PCDH9: variants seen among roughly 807,000 people sequenced by gnomAD.
The protein encoded by PCDH9 is protocadherin 9.
PCDH9 carries 24 observed loss-of-function variants against 70.6 expected under a neutral mutation model. That is an observed-to-expected ratio of 0.34 (90% CI 0.25 to 0.48). The LOEUF (loss-of-function observed/expected upper bound fraction) is 0.48. Among genes scored for constraint, PCDH9 ranks in the 20% least tolerant of loss-of-function variants. The pLI is 0.99. For synonymous variants in PCDH9, 562 were observed against 558.5 expected (o/e 1.01, Z -0.09); for missense variants, 1,281 against 1,503.6 (o/e 0.85, Z 2.45).
intron 2 of PCDH9, among the ~76,000 whole-genome samples, chr13:66,905,483 T>C (rs2082345664): frequency 6.6e-6 from 1 of 152,152 alleles, no homozygotes; most frequent in Non-Finnish European, 1.5e-5. Context: ...CATAAATATT[T>C]TTAAAATATT....
chr13:66,850,537 A>G (rs970562615), intron 3 of PCDH9, among the ~76,000 whole-genome samples: 4 of 137,054 alleles, frequency 2.9e-5, no homozygotes, highest in African/African-American at 7.7e-5. Context: ...AAAAAAATGT[A>G]AGTTAAATTA....
intron 2 of PCDH9, among the ~76,000 whole-genome samples, chr13:67,132,571 A>C (rs1276015423): frequency 1.3e-5 from 2 of 152,146 alleles, no homozygotes; most frequent in African/African-American, 4.8e-5. Flanking sequence ...AGGTGGTAAC[A>C]TATAGTTCAT....
chr13:66,700,424 A>G (rs2078622722), intron 3 of PCDH9, among the ~76,000 whole-genome samples: 1 of 152,176 alleles, frequency 6.6e-6, no homozygotes, highest in Non-Finnish European at 1.5e-5. Flanking sequence ...TGAGCCGTTG[A>G]TAAAACATGG....
intron 2 of PCDH9, among the ~76,000 whole-genome samples, chr13:67,088,997 C>G (rs765325378): frequency 3.3e-5 from 5 of 152,008 alleles, no homozygotes; most frequent in Admixed American, 3.3e-4. Flanking sequence ...CAAGCATACT[C>G]TATTTTCTTG....
intron 3 of PCDH9, among the ~76,000 whole-genome samples, chr13:66,679,727 T>C (rs1416459749): frequency 1.3e-5 from 2 of 151,924 alleles, no homozygotes; most frequent in African/African-American, 4.8e-5. Flanking sequence ...AGAGACATAA[T>C]TGTTTTTAGT....
At chr13:67,065,972 T>C (rs1409401619) in intron 2 of PCDH9, among the ~76,000 whole-genome samples, 1 of 152,154 alleles carries the variant, frequency 6.6e-6, no homozygotes. Flanking sequence ...CCTACAGTGC[T>C]AGTAAAAGTA....
At chr13:66,557,957 A>G (rs1208707677) in intron 4 of PCDH9, among the ~76,000 whole-genome samples, 3 of 152,156 alleles carry the variant, frequency 2.0e-5, no homozygotes, top group African/African-American at 4.8e-5. Flanking sequence ...TTTGGAGACC[A>G]GTGTGGGCAA....
At position 66,545,206 on chromosome 13, in the gene PCDH9, G is replaced by C. The variant is rs371388514; in HGVS notation, c.3340+86004C>G. Among the ~76,000 whole-genome samples, 4 of 152,106 alleles carry C rather than the reference G, an allele frequency of 2.6e-5. No individual in the cohort carries two copies. The East Asian group carries it at 7.8e-4, about 29-fold the overall frequency. On this transcript the variant is annotated intron_variant, in intron 4 of 4. Coordinates refer to ENST00000377865, the MANE Select transcript of PCDH9 (RefSeq NM_203487.3). ...TGTTTTATTGGTCACTTAGAATCAA[G>C]GCAAATAGGAAAATAGCTATTTGCA...
At chr13:66,839,237 CTTTCTTGCACTCCAG>C (rs1398275830) in intron 3 of PCDH9, among the ~76,000 whole-genome samples, 1 of 152,128 alleles carries the variant, frequency 6.6e-6, no homozygotes, top group African/African-American at 2.4e-5. Flanking sequence ...AGACATCTCT[CTTTCTTGCACTCCAG>C]TTTCTTGCTT....
At chr13:67,038,584 T>C (rs748160682) in intron 2 of PCDH9, among the ~76,000 whole-genome samples, 14 of 152,198 alleles carry the variant, frequency 9.2e-5, no homozygotes, top group Non-Finnish European at 1.8e-4. Flanking sequence ...TTTAATTAGG[T>C]TTGAACCAAA....
At chr13:67,000,244 A>C (rs9529162) in intron 2 of PCDH9, among the ~76,000 whole-genome samples, 98,200 of 150,684 alleles carry the variant, frequency 0.65, 33,102 homozygotes, top group East Asian at 0.95. Context: ...AAAAAACCAA[A>C]CACTGCATAT....
intron 4 of PCDH9, among the ~76,000 whole-genome samples, chr13:66,371,631 G>A (rs1956655309): frequency 6.6e-6 from 1 of 151,842 alleles, no homozygotes; most frequent in African/African-American, 2.4e-5. Flanking sequence ...AATTCTTAAT[G>A]CCCATGAAAT....
chr13:67,151,108 G>A (rs1400301879), intron 2 of PCDH9, among the ~76,000 whole-genome samples: 1 of 152,038 alleles, frequency 6.6e-6, no homozygotes, highest in Admixed American at 6.5e-5. Flanking sequence ...TCAAAGTCCA[G>A]TGGAAGGCTC....
At chr13:67,094,560 G>A (rs1013379090) in intron 2 of PCDH9, among the ~76,000 whole-genome samples, 1 of 152,036 alleles carries the variant, frequency 6.6e-6, no homozygotes, top group Non-Finnish European at 1.5e-5. Flanking sequence ...TAAGTAACAT[G>A]CCCAAGGTGA....
intron 4 of PCDH9, among the ~76,000 whole-genome samples, chr13:66,610,421 T>C (rs922260925): frequency 6.6e-6 from 1 of 152,132 alleles, no homozygotes; most frequent in African/African-American, 2.4e-5. Context: ...CTTCATACTT[T>C]ATACCCTTTT....
At chr13:67,130,128 T>A (rs73212751) in intron 2 of PCDH9, among the ~76,000 whole-genome samples, 2,179 of 152,260 alleles carry the variant, frequency 0.014, 25 homozygotes, top group Middle Eastern at 0.041. Context: ...AAAACCTTGG[T>A]GCCTACCAGA....
chr13:66,998,321 T>C (rs1164484186), intron 2 of PCDH9, among the ~76,000 whole-genome samples: 1 of 152,206 alleles, frequency 6.6e-6, no homozygotes, highest in African/African-American at 2.4e-5. Flanking sequence ...TGTCAACCAA[T>C]AGAGTTGTTC....
At chr13:66,694,948 G>A (rs1028830945) in intron 3 of PCDH9, among the ~76,000 whole-genome samples, 1 of 149,546 alleles carries the variant, frequency 6.7e-6, no homozygotes, top group Admixed American at 6.7e-5. Context: ...CTGTCGCCCA[G>A]GCTGTAGTGC....
intron 4 of PCDH9, among the ~76,000 whole-genome samples, chr13:66,399,700 C>CA (rs200126897): frequency 1.1e-4 from 15 of 141,644 alleles, no homozygotes; most frequent in South Asian, 2.3e-4. Flanking sequence ...GATCTTTTGT[C>CA]AAAAAAAAGA....
Sources: gnomAD v4.1 joint callset for allele counts (sites outside exome capture counted in the v4.1 genomes callset) on GRCh38, gnomAD v4.1.1 for gene constraint, MANE v1.5 for transcripts, NCBI Gene and HGNC (gene_info 2026-07-23, HGNC 2026-07-21) for gene names.